CELF2: variants seen among roughly 807,000 people sequenced by gnomAD.
The protein encoded by CELF2 is CUGBP Elav-like family member 2.
Under a neutral mutation model 62.6 loss-of-function variants are expected in CELF2, and 8 were observed. That is an observed-to-expected ratio of 0.13 (90% CI 0.07 to 0.23). The LOEUF is 0.23. CELF2 is among the 10% of genes least tolerant of loss of function. The probability of loss-of-function intolerance (pLI) is 1.00; values close to 1 mark genes in which losing one functional copy is unlikely to be tolerated. For synonymous variants in CELF2, 258 were observed against 250.0 expected, an observed-to-expected ratio of 1.03 and a Z score of -0.30; for missense variants, 333 against 671.0, an observed-to-expected ratio of 0.50 and a Z score of 5.56.
chr10:10,933,509 G>A (rs892463494), intron 2 of CELF2, among the ~76,000 whole-genome samples: 1 of 152,008 alleles, frequency 6.6e-6, no homozygotes, highest in South Asian at 2.1e-4. Context: ...TATAACCACA[G>A]TCACCCTATT....
intron 1 of CELF2, among the ~76,000 whole-genome samples, chr10:10,860,883 A>T (rs1291938762): frequency 1.3e-5 from 2 of 152,182 alleles, no homozygotes; most frequent in African/African-American, 4.8e-5. Flanking sequence ...GGCTGCTATG[A>T]TTGGCTGAGA....
At chr10:11,099,994 C>A (rs118138175) in intron 1 of CELF2, among the ~76,000 whole-genome samples, 1 of 151,582 alleles carries the variant, frequency 6.6e-6, no homozygotes, top group Non-Finnish European at 1.5e-5. Context: ...TGAGGTCAGG[C>A]GTTTGAGATC....
the CELF2 span, among the ~76,000 whole-genome samples, chr10:10,674,903 C>T: frequency 8.5e-5 from 13 of 152,208 alleles, no homozygotes; most frequent in Admixed American, 3.3e-4. Flanking sequence ...TGTACCATTG[C>T]TGTCATTTAT....
the CELF2 span, among the ~76,000 whole-genome samples, chr10:10,625,019 A>G: frequency 6.6e-6 from 1 of 152,218 alleles, no homozygotes; most frequent in Non-Finnish European, 1.5e-5. Context: ...ATATTTCTTC[A>G]TGTTTACCAA....
intron 2 of CELF2, among the ~76,000 whole-genome samples, chr10:10,961,246 A>C (rs2049464777): frequency 6.6e-6 from 1 of 152,200 alleles, no homozygotes; most frequent in Admixed American, 6.5e-5. Flanking sequence ...GGAGACCCAA[A>C]GGAAAGCTGA....
the CELF2 span, among the ~76,000 whole-genome samples, chr10:10,782,955 T>C: frequency 6.6e-6 from 1 of 152,246 alleles, no homozygotes; most frequent in Non-Finnish European, 1.5e-5. Flanking sequence ...TTAAACGTTC[T>C]GACTATAAAT....
chr10:10,469,306 C>A, the CELF2 span, among the ~76,000 whole-genome samples: 1 of 151,812 alleles, frequency 6.6e-6, no homozygotes, highest in Non-Finnish European at 1.5e-5. Context: ...TATCCTTTTT[C>A]TTAGCTGTCT....
intron 2 of CELF2, among the ~76,000 whole-genome samples, chr10:11,210,757 C>T (rs2061593071): frequency 6.6e-6 from 1 of 152,114 alleles, no homozygotes; most frequent in South Asian, 2.1e-4. Flanking sequence ...GGCGTTGTGA[C>T]TCGTTGGCAT....
chr10:11,124,869 G>C (rs186352939), intron 1 of CELF2, among the ~76,000 whole-genome samples: 1 of 152,120 alleles, frequency 6.6e-6, no homozygotes. Flanking sequence ...ATTCACATAT[G>C]CTTATATATA....
intron 4 of CELF2, among the ~76,000 whole-genome samples, chr10:11,251,504 G>C (rs1055823442): frequency 1.3e-5 from 2 of 151,972 alleles, no homozygotes; most frequent in African/African-American, 4.8e-5. Context: ...AAGCCAAGGA[G>C]GACCGGGCAC....
the CELF2 span, among the ~76,000 whole-genome samples, chr10:10,783,204 C>G: frequency 1.3e-5 from 2 of 152,336 alleles, no homozygotes; most frequent in East Asian, 3.9e-4. Flanking sequence ...TTCACAGTAT[C>G]TGTGACTGTG....
the CELF2 span, among the ~76,000 whole-genome samples, chr10:10,504,708 T>C: frequency 6.6e-6 from 1 of 152,160 alleles, no homozygotes; most frequent in South Asian, 2.1e-4. Flanking sequence ...CTGATACATT[T>C]CTGAGTCCAT....
intron 3 of CELF2, among the ~76,000 whole-genome samples, chr10:11,239,641 G>T (rs533958324): frequency 4.7e-4 from 72 of 152,294 alleles, no homozygotes; most frequent in Non-Finnish European, 9.1e-4. Context: ...TTTTCCCCTG[G>T]TTGGGAGAAG....
chr10:11,308,683 G>T (rs2094402734), intron 9 of CELF2, among the ~76,000 whole-genome samples: 2 of 152,176 alleles, frequency 1.3e-5, no homozygotes, highest in Non-Finnish European at 2.9e-5. Flanking sequence ...AGTTGTGTAG[G>T]TATTTTGCAG....
chr10:10,564,641 T>TACACACACACAC, the CELF2 span, among the ~76,000 whole-genome samples: 6 of 136,264 alleles, frequency 4.4e-5, no homozygotes, highest in African/African-American at 1.4e-4. Flanking sequence ...GTTAACTGAA[T>TACACACACACAC]ACACACACAC....
At chr10:10,483,720 T>C in the CELF2 span, among the ~76,000 whole-genome samples, 1 of 151,834 alleles carries the variant, frequency 6.6e-6, no homozygotes, top group East Asian at 1.9e-4. Flanking sequence ...TCCAGTCCAG[T>C]GAGAGGCTGA....
At chr10:10,698,347 C>A in the CELF2 span, among the ~76,000 whole-genome samples, 1 of 152,194 alleles carries the variant, frequency 6.6e-6, no homozygotes, top group Non-Finnish European at 1.5e-5. Flanking sequence ...TGACTTTGAT[C>A]TCCGCTTTGA....
chr10:11,013,288 T>G (rs960416174), upstream of CELF2, among the ~76,000 whole-genome samples: 1 of 151,616 alleles, frequency 6.6e-6, no homozygotes, highest in Non-Finnish European at 1.5e-5. This position sits in a 1 kb window ranked among gnomAD's most constrained non-coding sequence, Gnocchi z 4.1. Context: ...AAGAAAGAAA[T>G]AAAAAGGCCT....
chr10:10,818,108 G>T (rs757709095), intron 1 of CELF2, among the ~76,000 whole-genome samples: 5 of 152,142 alleles, frequency 3.3e-5, no homozygotes, highest in Non-Finnish European at 5.9e-5. Context: ...TATTTCATTG[G>T]GGTCAATAAA....
Sources: gnomAD v4.1 joint callset for allele counts (sites outside exome capture counted in the v4.1 genomes callset) on GRCh38, gnomAD v4.1.1 for gene constraint, Gnocchi (gnomAD v3.1) non-coding constraint, MANE v1.5 for transcripts, NCBI Gene and HGNC (gene_info 2026-07-23, HGNC 2026-07-21) for gene names.